Variants in OPCML observed in about 807,000 individuals in gnomAD.
OPCML encodes the protein opioid binding protein/cell adhesion molecule like, also known as opioid-binding protein/cell adhesion molecule.
A neutral mutation model predicts 37.8 loss-of-function variants in OPCML; 13 were observed. The ratio of observed to expected loss-of-function variants is 0.34; its 90% CI spans 0.22 to 0.55. OPCML has a LOEUF of 0.55. OPCML is among the 20% of genes least tolerant of loss of function. OPCML has a pLI of 0.91. For synonymous variants in OPCML, 176 were observed against 168.8 expected (o/e 1.04, Z -0.33); for missense variants, 341 against 435.6 (o/e 0.78, Z 1.93).
chr11:133,173,178 A>T lies in OPCML; in HGVS notation c.62-230168T>A, dbSNP rs1407216217. On this transcript the variant is annotated intron_variant, in intron 1 of 7. Transcript: ENST00000524381. The surrounding 1 kb of genome is among the most constrained non-coding windows in gnomAD (Gnocchi z 7.8). ...AAAATTACATGTGAGGGAATATTTC[A>T]TATGAATTCCTAAGAAAATGTCTTC... is the stretch of plus-strand genomic sequence containing the variant. Among the ~76,000 whole-genome samples, 2 of 152,256 alleles carry T rather than the reference A, an allele frequency of 1.3e-5. No individual in the cohort carries two copies. The highest frequency in any genetic ancestry group is 2.1e-4 in the South Asian group (1 of 4,832).
In OPCML at chr11:133,149,743, C is replaced by A. The variant is rs1949950625; in HGVS notation, c.62-206733G>T. Reference sequence around the variant, plus strand: ...GTTTTGTCATGTGGTGTCTGGCTGACCGTTAGGCCACCCTGGGCACATCCC... The same window carrying A: ...GTTTTGTCATGTGGTGTCTGGCTGAACGTTAGGCCACCCTGGGCACATCCC... On this transcript the variant is annotated intron_variant, in intron 1 of 7. Transcript: ENST00000524381. Among the ~76,000 whole-genome samples, 4 of 152,224 alleles carry A rather than the reference C, an allele frequency of 2.6e-5. No homozygotes were observed. In the South Asian group the frequency reaches 8.3e-4, roughly 32 times the overall value.
chr11:132,875,551 A>G (rs1018105163), intron 2 of OPCML, among the ~76,000 whole-genome samples: 1 of 148,188 alleles, frequency 6.7e-6, no homozygotes, highest in Non-Finnish European at 1.5e-5. Context: ...CGCAACCTCT[A>G]CCTCCCGGAT....
chr11:133,203,616 G>T (rs1374504034), intron 1 of OPCML, among the ~76,000 whole-genome samples: 1 of 152,156 alleles, frequency 6.6e-6, no homozygotes, highest in East Asian at 1.9e-4. Context: ...TAAGTCATTC[G>T]CAATATCTGG....
chr11:132,565,728 G>A (rs1158806108), intron 3 of OPCML, among the ~76,000 whole-genome samples: 2 of 152,106 alleles, frequency 1.3e-5, no homozygotes, highest in Non-Finnish European at 2.9e-5. Context: ...GACCTGTTTA[G>A]CAACTCTAAT....
chr11:132,463,244 C>T (rs986935021), intron 4 of OPCML, among the ~76,000 whole-genome samples: 1 of 152,216 alleles, frequency 6.6e-6, no homozygotes, highest in African/African-American at 2.4e-5. Flanking sequence ...TCTCTTTTCT[C>T]AACACTATCA....
In OPCML at chr11:132,898,700, T is replaced by C. The variant is rs150598173; in HGVS notation, c.146+44226A>G. Among the ~76,000 whole-genome samples the C allele has an allele frequency of 5.8e-3, 880 of 152,236 alleles. 6 individuals carry two copies. The highest frequency in any genetic ancestry group is 0.02 in the African/African-American group (831 of 41,546). Reference sequence around the variant, plus strand: ...GAGTGTCACCACTCACCAATACCCCTAGTGACCCACTAGCAAAGGTTTTGC... The same window carrying C: ...GAGTGTCACCACTCACCAATACCCCCAGTGACCCACTAGCAAAGGTTTTGC... On this transcript the variant is annotated intron_variant, in intron 2 of 7. Coordinates refer to ENST00000524381, the MANE Select transcript of OPCML (RefSeq NM_001012393.5).
chr11:133,517,633 G>A (rs916725312), intron 1 of OPCML, among the ~76,000 whole-genome samples: 4 of 152,208 alleles, frequency 2.6e-5, no homozygotes, highest in African/African-American at 9.6e-5. Context: ...CATCTCAGGG[G>A]ACAGAAAACT....
At chr11:133,041,163 T>C (rs2136945557) in intron 1 of OPCML, among the ~76,000 whole-genome samples, 1 of 152,346 alleles carries the variant, frequency 6.6e-6, no homozygotes, top group East Asian at 1.9e-4. Flanking sequence ...TTTGGGATTC[T>C]TACTCATGGG....
chr11:133,207,991 A>G (rs73598423), intron 1 of OPCML, among the ~76,000 whole-genome samples: 2,829 of 151,970 alleles, frequency 0.019, 97 homozygotes, highest in African/African-American at 0.065. Flanking sequence ...TCTACTTAGC[A>G]CCTCTACGCT....
chr11:132,863,838 AT>A (rs1942410940), intron 2 of OPCML, among the ~76,000 whole-genome samples: 1 of 152,320 alleles, frequency 6.6e-6, no homozygotes, highest in East Asian at 1.9e-4. Context: ...TTTGCGTCCA[AT>A]CCTATTTCTA....
chr11:132,995,746 C>G (rs1383036932), intron 1 of OPCML, among the ~76,000 whole-genome samples: 1 of 152,034 alleles, frequency 6.6e-6, no homozygotes, highest in Non-Finnish European at 1.5e-5. Context: ...GCTTAGGGAC[C>G]CTGAAGGGAA....
intron 2 of OPCML, among the ~76,000 whole-genome samples, chr11:132,928,062 C>CA (rs1318781259): frequency 2.6e-5 from 4 of 151,522 alleles, no homozygotes; most frequent in African/African-American, 7.3e-5. Flanking sequence ...AAATGAGGGA[C>CA]AAAAAAACTA....
chr11:133,494,651 C>G (rs900864120), intron 1 of OPCML, among the ~76,000 whole-genome samples: 16 of 143,704 alleles, frequency 1.1e-4, no homozygotes, highest in Non-Finnish European at 1.9e-4. Flanking sequence ...TGTTCTCACT[C>G]ATAGGTGGGA....
At position 132,582,931 on chromosome 11, in the gene OPCML, G is replaced by A. The variant is rs924954032; in HGVS notation, c.380-53745C>T. On this transcript the variant is annotated intron_variant, in intron 3 of 7. Coordinates refer to ENST00000524381, the MANE Select transcript of OPCML (RefSeq NM_001012393.5). ...AGTGATCATAGCTCACTGCAGCCTC[G>A]AACTCCCAGGCTCAATGCATTCTCC... 6.3e-5 allele frequency among the ~76,000 whole-genome samples: 9 copies of A among 142,628 alleles called. No homozygotes were observed. In the South Asian group the frequency reaches 1.2e-3, roughly 19 times the overall value. The allele number at this position is 142,628 out of a possible 152,430, so 93.6% of individuals were successfully genotyped here. A position where few individuals can be genotyped will look rare whatever the true frequency, so the allele number is the denominator to read the frequency against.
intron 2 of OPCML, among the ~76,000 whole-genome samples, chr11:132,764,924 C>T (rs938449778): frequency 6.6e-6 from 1 of 152,248 alleles, no homozygotes; most frequent in Non-Finnish European, 1.5e-5. Context: ...GGCTTGTGCA[C>T]AGCCGGCATA....
intron 2 of OPCML, among the ~76,000 whole-genome samples, chr11:132,726,829 G>A (rs916821999): frequency 6.6e-6 from 1 of 152,136 alleles, no homozygotes; most frequent in South Asian, 2.1e-4. Flanking sequence ...TCCAACAGAC[G>A]TAAAGGACAT....
intron 1 of OPCML, among the ~76,000 whole-genome samples, chr11:133,516,403 C>G (rs902191436): frequency 6.6e-6 from 1 of 152,110 alleles, no homozygotes; most frequent in Non-Finnish European, 1.5e-5. Context: ...CTTCCCATAG[C>G]CAAAGATCTG....
Position 132,436,127 on chromosome 11 carries a change from G to A in OPCML, c.875C>T (p.Thr292Met), listed in dbSNP as rs377189862. The change falls in exon 7 of 8, where the codon ACG (threonine) becomes ATG (methionine). Residue 292 changes from threonine (T) to methionine (M), a missense_variant. Physicochemically the swap from Thr to Met is moderately conservative, Grantham distance 81 (BLOSUM62 -1). Coordinates refer to ENST00000524381, the MANE Select transcript of OPCML (RefSeq NM_001012393.5). ...GGCATTGGTGTTCCCAAGCTTGTTCGTGGCCACACAAGTATAGTTCCCATA... is the reference window on the plus strand; with the variant it reads ...GGCATTGGTGTTCCCAAGCTTGTTCATGGCCACACAAGTATAGTTCCCATA... ...KDYGNYTCVA[T>M]NKLGNTNASI... 35 of 1,614,052 alleles carry A rather than the reference G, an allele frequency of 2.2e-5. No individual in the cohort carries two copies. Among genetic ancestry groups the A allele is most frequent in the East Asian group, 1.6e-4 (7 of 44,890 alleles).
At position 132,618,024 on chromosome 11, in the gene OPCML, C is replaced by G. The variant is rs566204682; in HGVS notation, c.379+39063G>C. Among the ~76,000 whole-genome samples, 218 of 152,276 alleles carry G rather than the reference C, an allele frequency of 1.4e-3. 2 individuals carry two copies. The highest frequency in any genetic ancestry group is 4.8e-3 in the African/African-American group (201 of 41,564). On this transcript the variant is annotated intron_variant, in intron 3 of 7. Transcript: ENST00000524381. ...AGTGTTACAGTGGCTTAATACAACT[C>G]TACTGCTTGTTCCTATATTCCAGTT... is the stretch of plus-strand genomic sequence containing the variant.
Sources: gnomAD v4.1 joint callset for allele counts (sites outside exome capture counted in the v4.1 genomes callset) on GRCh38, gnomAD v4.1.1 for gene constraint, Gnocchi (gnomAD v3.1) non-coding constraint, MANE v1.5 for transcripts, NCBI Gene and HGNC (gene_info 2026-07-23, HGNC 2026-07-21) for gene names.